SCN8A: variants seen among roughly 807,000 people sequenced by gnomAD.
SCN8A encodes the protein sodium channel protein type 8 subunit alpha.
In SCN8A, 30 loss-of-function variants were observed where a neutral mutation model predicts 184.1. That is an observed-to-expected ratio of 0.16 (90% CI 0.12 to 0.22). SCN8A has a LOEUF of 0.22. Ranked by LOEUF, SCN8A falls within the 10% of genes least tolerant of loss-of-function variation. The probability of loss-of-function intolerance (pLI) is 1.00; values close to 1 mark genes in which losing one functional copy is unlikely to be tolerated. For synonymous variants in SCN8A, 852 were observed against 907.0 expected, an observed-to-expected ratio of 0.94 and a Z score of 1.09; for missense variants, 1,057 against 2,498.9, an observed-to-expected ratio of 0.42 and a Z score of 12.30.
At chr12:51,798,148 TC>T (rs1938458616) in intron 26 of SCN8A, among the ~76,000 whole-genome samples, 2 of 152,172 alleles carry the variant, frequency 1.3e-5, no homozygotes, top group Non-Finnish European at 1.5e-5. Flanking sequence ...AATCATGACT[TC>T]AAAAGGCCAT....
rs534617346 is a variant in SCN8A, at chr12:51,782,807, C to G, written c.3942+2036C>G. Among the ~76,000 whole-genome samples the G allele has an allele frequency of 2.2e-4, 33 of 152,334 alleles. No individual in the cohort carries two copies. In the South Asian group the frequency reaches 6.6e-3, roughly 31 times the overall value. ...GCCACACCTCTTCCCTTTAGCTGCCCCTTCTTTCTGTACCTTTCCTGGACC... is the reference window on the plus strand; with the variant it reads ...GCCACACCTCTTCCCTTTAGCTGCCGCTTCTTTCTGTACCTTTCCTGGACC... On this transcript the variant is annotated intron_variant, in intron 21 of 26. Coordinates refer to ENST00000627620, the MANE Select transcript of SCN8A (RefSeq NM_001330260.2).
chr12:51,601,580 A>G (rs1026934301), intron 1 of SCN8A, among the ~76,000 whole-genome samples: 4 of 152,136 alleles, frequency 2.6e-5, no homozygotes, highest in Non-Finnish European at 5.9e-5. Context: ...AAATAAATTC[A>G]TCTTTGTGTT....
At position 51,730,945 on chromosome 12, in the gene SCN8A, A is replaced by G. The variant is rs2138799867; in HGVS notation, c.1998+9037A>G. ...TTGCATTGATTTTTCGATCCCACAG[A>G]TAAGTGAGAACATGTGATGTTTGTC... On this transcript the variant is annotated intron_variant, in intron 12 of 26. Transcript: ENST00000627620. 2.0e-5 allele frequency among the ~76,000 whole-genome samples: 3 copies of G among 152,284 alleles called. No individual in the cohort carries two copies. In the South Asian group the frequency reaches 6.2e-4, roughly 32 times the overall value.
chr12:51,639,674 A>G (rs753435425), intron 1 of SCN8A, among the ~76,000 whole-genome samples: 38 of 152,244 alleles, frequency 2.5e-4, no homozygotes, highest in Non-Finnish European at 5.1e-4. Context: ...TGATCAATAC[A>G]GGAAACTTCA....
chr12:51,687,988 A>C (rs979279098), intron 5 of SCN8A, among the ~76,000 whole-genome samples: 1 of 152,160 alleles, frequency 6.6e-6, no homozygotes, highest in African/African-American at 2.4e-5. Context: ...TATTGATCTG[A>C]GCATCTGGTG....
At position 51,663,331 on chromosome 12, in the gene SCN8A, A is replaced by G. The variant is rs575123515; in HGVS notation, c.276+238A>G. Among the ~76,000 whole-genome samples the G allele has an allele frequency of 9.2e-5, 14 of 152,192 alleles. No homozygotes were observed. The South Asian group carries it at 1.5e-3, about 16-fold the overall frequency. ...ATTTTGGCTCCAGGCCAGATCAGAAAAAGGGGATGTAAATGAAATGGGACT... is the reference window on the plus strand; with the variant it reads ...ATTTTGGCTCCAGGCCAGATCAGAAGAAGGGGATGTAAATGAAATGGGACT... On this transcript the variant is annotated intron_variant, in intron 2 of 26. Coordinates refer to ENST00000627620, the MANE Select transcript of SCN8A (RefSeq NM_001330260.2).
At chr12:51,667,677 A>G (rs1037088860) in intron 2 of SCN8A, among the ~76,000 whole-genome samples, 6 of 152,318 alleles carry the variant, frequency 3.9e-5, no homozygotes, top group African/African-American at 1.2e-4. Context: ...CCTAATGACT[A>G]TCTTAAGTAG....
intron 20 of SCN8A, among the ~76,000 whole-genome samples, chr12:51,776,222 C>T (rs1413467815): frequency 1.3e-5 from 2 of 152,174 alleles, no homozygotes; most frequent in Non-Finnish European, 2.9e-5. Context: ...ACTCCTTGGC[C>T]TCCCAAAGTG....
chr12:51,797,032 C>T (rs546838279), intron 26 of SCN8A, among the ~76,000 whole-genome samples: 1 of 152,240 alleles, frequency 6.6e-6, no homozygotes, highest in Admixed American at 6.5e-5. Context: ...TACTTTTGCA[C>T]CAGCCTAATC....
At chr12:51,702,982 G>T in intron 9 of SCN8A, 68 bp downstream of exon 9, 11 of 1,410,646 alleles carry the variant, frequency 7.8e-6, no homozygotes, top group Admixed American at 2.3e-5. Context: ...GGGACCTTCT[G>T]TGTGAGAGAC....
chr12:51,757,389 T>A (rs1215778984), intron 14 of SCN8A, among the ~76,000 whole-genome samples: 1 of 152,100 alleles, frequency 6.6e-6, no homozygotes, highest in Admixed American at 6.5e-5. Context: ...TGGGCGAGGA[T>A]CTACTGCAGA....
rs779575954 is a variant in SCN8A, at chr12:51,660,490, A to G, written c.-54-2274A>G. 3.3e-5 allele frequency among the ~76,000 whole-genome samples: 5 copies of G among 152,222 alleles called. No individual in the cohort carries two copies. In the South Asian group the frequency reaches 1.0e-3, roughly 32 times the overall value. On this transcript the variant is annotated intron_variant, in intron 1 of 26. Coordinates refer to ENST00000627620, the MANE Select transcript of SCN8A (RefSeq NM_001330260.2). ...GAGTCTTCATGCATTTGGTCTCATT[A>G]TGGGTTTCAGGCATAATCTTATTCA...
intron 11 of SCN8A, among the ~76,000 whole-genome samples, chr12:51,710,659 C>G (rs1941859343): frequency 6.6e-6 from 1 of 151,652 alleles, no homozygotes. Context: ...ACCCTGTCTC[C>G]AAAAAAACAA....
chr12:51,595,792 T>C (rs1335492538), intron 1 of SCN8A, among the ~76,000 whole-genome samples: 1 of 152,216 alleles, frequency 6.6e-6, no homozygotes. Context: ...ATATATGTAC[T>C]GTATTGAATT....
chr12:51,645,955 A>AC (rs1298757465), intron 1 of SCN8A, among the ~76,000 whole-genome samples: 2 of 39,256 alleles, frequency 5.1e-5, no homozygotes, highest in Non-Finnish European at 1.2e-4. Flanking sequence ...TCAATTAAAA[A>AC]AAAAAAAAAA....
At chr12:51,712,696 T>C in intron 11 of SCN8A, 1 of 898,680 alleles carries the variant, frequency 1.1e-6, no homozygotes, top group South Asian at 1.3e-5. Flanking sequence ...CGCTACCATA[T>C]CCACCACACC....
At chr12:51,742,765 A>G (rs1487271839) in intron 12 of SCN8A, among the ~76,000 whole-genome samples, 4 of 152,004 alleles carry the variant, frequency 2.6e-5, no homozygotes, top group Non-Finnish European at 4.4e-5. Flanking sequence ...GTTTTCTGTT[A>G]TTATTCCTTT....
chr12:51,677,546 G>C (rs1941243630), intron 2 of SCN8A, among the ~76,000 whole-genome samples: 1 of 152,120 alleles, frequency 6.6e-6, no homozygotes, highest in South Asian at 2.1e-4. Context: ...TGTTTGGTAT[G>C]CATATGGACG....
At chr12:51,794,975 T>C (rs980487179) in intron 26 of SCN8A, among the ~76,000 whole-genome samples, 2 of 152,242 alleles carry the variant, frequency 1.3e-5, no homozygotes, top group Non-Finnish European at 1.5e-5. Context: ...TGTAGCACAA[T>C]AGAAGTATAA....
Sources: gnomAD v4.1 joint callset for allele counts (sites outside exome capture counted in the v4.1 genomes callset) on GRCh38, gnomAD v4.1.1 for gene constraint, MANE v1.5 for transcripts, NCBI Gene and HGNC (gene_info 2026-07-23, HGNC 2026-07-21) for gene names.